FHIP1A: variants seen among roughly 807,000 people sequenced by gnomAD.
FHIP1A encodes FHF complex subunit HOOK-interacting protein 1A.
Under a neutral mutation model 88.6 loss-of-function variants are expected in FHIP1A, and 61 were observed. The ratio of observed to expected loss-of-function variants is 0.69; its 90% CI spans 0.56 to 0.85. The LOEUF is 0.85. Ranked by LOEUF, FHIP1A falls within the 40% of genes least tolerant of loss-of-function variation. The probability of loss-of-function intolerance (pLI) is 0.00; values close to 1 mark genes in which losing one functional copy is unlikely to be tolerated. For synonymous variants in FHIP1A, 478 were observed against 496.0 expected, an observed-to-expected ratio of 0.96 and a Z score of 0.48; for missense variants, 1,154 against 1,273.5, an observed-to-expected ratio of 0.91 and a Z score of 1.43.
chr4:151,658,578 C>T (rs1737337056), intron 13 of FHIP1A, among the ~76,000 whole-genome samples: 1 of 152,128 alleles, frequency 6.6e-6, no homozygotes, highest in African/African-American at 2.4e-5. Context: ...TCGGAGCTCA[C>T]GTAAGGTCCA....
At chr4:151,417,329 G>T (rs1732933745) in intron 1 of FHIP1A, among the ~76,000 whole-genome samples, 1 of 152,088 alleles carries the variant, frequency 6.6e-6, no homozygotes, top group Non-Finnish European at 1.5e-5. Context: ...CTGATTGGTT[G>T]CAGAAAGCGA....
chr4:151,635,912 A>C (rs1736335894), intron 8 of FHIP1A, among the ~76,000 whole-genome samples: 1 of 151,996 alleles, frequency 6.6e-6, no homozygotes, highest in Non-Finnish European at 1.5e-5. Flanking sequence ...TGAATAATTA[A>C]TACAGATTCT....
At chr4:151,555,862 A>G (rs1467264352) in intron 3 of FHIP1A, among the ~76,000 whole-genome samples, 1 of 152,194 alleles carries the variant, frequency 6.6e-6, no homozygotes, top group Non-Finnish European at 1.5e-5. Context: ...AGCAACAAAT[A>G]TAGAATACTG....
chr4:151,547,733 G>A (rs1463757740), intron 3 of FHIP1A, among the ~76,000 whole-genome samples: 1 of 152,094 alleles, frequency 6.6e-6, no homozygotes, highest in Non-Finnish European at 1.5e-5. Flanking sequence ...GGCCAACATG[G>A]CGAAACGCTG....
At chr4:151,642,109 T>C (rs1214120494) in intron 9 of FHIP1A, among the ~76,000 whole-genome samples, 3 of 152,220 alleles carry the variant, frequency 2.0e-5, no homozygotes, top group Non-Finnish European at 4.4e-5. Flanking sequence ...AAAGACAGGA[T>C]ATTTTAGTGA....
At chr4:151,495,504 A>G (rs1217382769) in intron 3 of FHIP1A, among the ~76,000 whole-genome samples, 4 of 151,814 alleles carry the variant, frequency 2.6e-5, no homozygotes, top group Non-Finnish European at 5.9e-5. Flanking sequence ...TGTTTCAAAA[A>G]AAAAAGAAAG....
At chr4:151,610,885 T>A (rs1735297091) in intron 7 of FHIP1A, among the ~76,000 whole-genome samples, 1 of 152,188 alleles carries the variant, frequency 6.6e-6, no homozygotes, top group Non-Finnish European at 1.5e-5. Context: ...GTTGTACCTC[T>A]CATACCAGGT....
Position 151,429,038 on chromosome 4 carries a change from C to T in FHIP1A, c.-356+19573C>T, listed in dbSNP as rs530983955. Among the ~76,000 whole-genome samples the T allele has an allele frequency of 3.1e-3, 467 of 151,786 alleles. 2 individuals are homozygous for T. Among genetic ancestry groups the T allele is most frequent in the African/African-American group, 0.011 (446 of 41,352 alleles). ...TTTATATGCTTACATAAATTGTTTTCCCACCTGGCTGTACACTTCATGAAG... is the reference window on the plus strand; with the variant it reads ...TTTATATGCTTACATAAATTGTTTTTCCACCTGGCTGTACACTTCATGAAG... On this transcript the variant is annotated intron_variant, in intron 1 of 13. Transcript: ENST00000435205.
intron 1 of FHIP1A, among the ~76,000 whole-genome samples, chr4:151,439,797 TCTC>T (rs1327243965): frequency 3.3e-5 from 5 of 152,192 alleles, no homozygotes; most frequent in Non-Finnish European, 5.9e-5. Flanking sequence ...ACTCATCACT[TCTC>T]CTAGCTTCAT....
rs143867510 is a variant in FHIP1A at position 151,523,168 on chromosome 4, G to A, written c.-123+40520G>A. Among the ~76,000 whole-genome samples, 148 of 152,218 alleles carry A rather than the reference G, an allele frequency of 9.7e-4. 1 individual carries two copies. Among genetic ancestry groups the A allele is most frequent in the Non-Finnish European group, 1.3e-3 (86 of 68,014 alleles). Reference sequence around the variant, plus strand: ...TGACATAATTGCCTGTGGTTGAGGCGGTTGCAGGAGAAAATCAACTTAAGA... The same window carrying A: ...TGACATAATTGCCTGTGGTTGAGGCAGTTGCAGGAGAAAATCAACTTAAGA... On this transcript the variant is annotated intron_variant, in intron 3 of 13. Coordinates refer to ENST00000435205, the MANE Select transcript of FHIP1A (RefSeq NM_001109977.3).
At chr4:151,592,171 G>T (rs1734459825) in intron 7 of FHIP1A, among the ~76,000 whole-genome samples, 1 of 151,444 alleles carries the variant, frequency 6.6e-6, no homozygotes, top group Non-Finnish European at 1.5e-5. Flanking sequence ...GTCTCACTCT[G>T]TCGCCCAGGC....
At chr4:151,491,331 C>G (rs1730273025) in intron 3 of FHIP1A, among the ~76,000 whole-genome samples, 1 of 152,068 alleles carries the variant, frequency 6.6e-6, no homozygotes, top group Non-Finnish European at 1.5e-5. Context: ...GATTGGGGTC[C>G]TATCTTTAGC....
intron 4 of FHIP1A, among the ~76,000 whole-genome samples, chr4:151,573,920 CA>C (rs1733690032): frequency 6.6e-6 from 1 of 152,196 alleles, no homozygotes; most frequent in Non-Finnish European, 1.5e-5. Context: ...ATTGGAGTGA[CA>C]AACTTGGGAC....
chr4:151,558,046 C>T (rs1237773630), intron 3 of FHIP1A, among the ~76,000 whole-genome samples: 1 of 152,104 alleles, frequency 6.6e-6, no homozygotes, highest in Non-Finnish European at 1.5e-5. Context: ...CAGAATTTCA[C>T]AAAATGATGC....
At chr4:151,462,253 C>G (rs1401076784) in intron 2 of FHIP1A, among the ~76,000 whole-genome samples, 1 of 152,140 alleles carries the variant, frequency 6.6e-6, no homozygotes, top group Non-Finnish European at 1.5e-5. Context: ...CCCTCTAAGC[C>G]TCTTCCTGAG....
At chr4:151,624,759 C>A (rs777552328) in intron 7 of FHIP1A, among the ~76,000 whole-genome samples, 1 of 152,096 alleles carries the variant, frequency 6.6e-6, no homozygotes, top group South Asian at 2.1e-4. Context: ...TGGCCTCTGG[C>A]GGTGCTAGCA....
intron 8 of FHIP1A, among the ~76,000 whole-genome samples, chr4:151,633,234 T>C (rs543877696): frequency 1.2e-4 from 18 of 151,908 alleles, no homozygotes; most frequent in Middle Eastern, 3.4e-3. Context: ...TAGAAACATA[T>C]AGCCTATCAA....
At chr4:151,489,469 A>G (rs1730205591) in intron 3 of FHIP1A, among the ~76,000 whole-genome samples, 1 of 152,122 alleles carries the variant, frequency 6.6e-6, no homozygotes, top group Admixed American at 6.5e-5. Context: ...TGAGGAGTGA[A>G]CAGGAAGCGC....
chr4:151,510,410 C>T (rs1293248231), intron 3 of FHIP1A, among the ~76,000 whole-genome samples: 1 of 152,114 alleles, frequency 6.6e-6, no homozygotes, highest in African/African-American at 2.4e-5. Context: ...ATGCCTGGCC[C>T]TATCAGCATT....
Sources: gnomAD v4.1 joint callset for allele counts (sites outside exome capture counted in the v4.1 genomes callset) on GRCh38, gnomAD v4.1.1 for gene constraint, MANE v1.5 for transcripts, NCBI Gene and HGNC (gene_info 2026-07-23, HGNC 2026-07-21) for gene names.